The following SEC24B variants were observed in gnomAD, a reference collection of about 807,000 sequenced individuals.
SEC24B encodes the protein SEC24 homolog B, COPII component.
Under a neutral mutation model 142.8 loss-of-function variants are expected in SEC24B, and 45 were observed. The ratio of observed to expected loss-of-function variants is 0.32; its 90% CI spans 0.25 to 0.40. SEC24B has a LOEUF of 0.40. Among genes scored for constraint, SEC24B ranks in the 10% least tolerant of loss-of-function variants. The pLI is 1.00. For synonymous variants in SEC24B, 574 were observed against 568.2 expected (o/e 1.01, Z -0.15); for missense variants, 1,409 against 1,526.8 (o/e 0.92, Z 1.29).
intron 1 of SEC24B, among the ~76,000 whole-genome samples, chr4:109,441,597 A>C (rs935243650): frequency 1.3e-5 from 2 of 151,934 alleles, no homozygotes; most frequent in Non-Finnish European, 2.9e-5. Flanking sequence ...ATGCCCAGCT[A>C]ATTTTTGTAT....
chr4:109,529,259 A>T (rs1420715194), intron 18 of SEC24B, among the ~76,000 whole-genome samples: 1 of 152,126 alleles, frequency 6.6e-6, no homozygotes. Context: ...CTTAATTTTA[A>T]CTTTTGTTTT....
At chr4:109,523,599 A>C (rs112722497) in intron 14 of SEC24B, among the ~76,000 whole-genome samples, 1 of 152,228 alleles carries the variant, frequency 6.6e-6, no homozygotes, top group South Asian at 2.1e-4. Flanking sequence ...ATGAACAAAA[A>C]TATTCATTTT....
chr4:109,500,992 A>G lies in SEC24B; in HGVS notation c.1489-5336A>G, dbSNP rs529651371. ...TATTTTTATAGGTTTGATAAAGCCT[A>G]AATGTGTGTGTTTATAAAGCCTACA... On this transcript the variant is annotated intron_variant, in intron 6 of 23. Coordinates refer to ENST00000265175, the MANE Select transcript of SEC24B (RefSeq NM_006323.5). Among the ~76,000 whole-genome samples the G allele has an allele frequency of 4.6e-5, 7 of 152,240 alleles. No individual in the cohort carries two copies. In the South Asian group the frequency reaches 1.5e-3, roughly 32 times the overall value.
At position 109,525,446 on chromosome 4, in the gene SEC24B, A is replaced by G. The variant is rs1440745801; in HGVS notation, c.2733A>G (p.Lys911=). Residue 911 remains lysine (K), a synonymous_variant, in exon 16 of 24, where the codon AAA becomes AAG. Coordinates refer to ENST00000265175, the MANE Select transcript of SEC24B (RefSeq NM_006323.5). ...CAGAAAAGTTACAAAAAGACCTAAAACGGTATCTCACAAGAAAAATTGGGT... is the reference window on the plus strand; with the variant it reads ...CAGAAAAGTTACAAAAAGACCTAAAGCGGTATCTCACAAGAAAAATTGGGT... ...SQAEKLQKDL[K]RYLTRKIGFE... 1 of 1,611,942 alleles carries G rather than the reference A, an allele frequency of 6.2e-7. No individual in the cohort carries two copies. The highest frequency in any genetic ancestry group is 1.7e-5 in the Admixed American group (1 of 59,826).
rs1723455894 is a variant in SEC24B, at chr4:109,520,263, A to G, written c.2127-103A>G. ...ATTTTTCTGTCCCCTGTAGAAAAGC[A>G]TATGTGTAATTATCCTTGGACTTAA... On this transcript the variant is annotated intron_variant, in intron 11 of 23. Coordinates refer to ENST00000265175, the MANE Select transcript of SEC24B (RefSeq NM_006323.5). The G allele has an allele frequency of 4.2e-6, 3 of 720,910 alleles. No individual in the cohort carries two copies. The Admixed American group carries it at 7.3e-5, about 18-fold the overall frequency. 44.7% of individuals were successfully genotyped at this position (720,910 alleles called of 1,614,324 possible).
intron 22 of SEC24B, among the ~76,000 whole-genome samples, chr4:109,534,153 C>G (rs981800601): frequency 3.3e-5 from 5 of 151,914 alleles, no homozygotes; most frequent in African/African-American, 1.2e-4. Flanking sequence ...AGTGGTCCTC[C>G]CACTTTAGCC....
chr4:109,526,420 A>G, intron 17 of SEC24B, 21 bp downstream of exon 17: 1 of 1,576,050 alleles, frequency 6.3e-7, no homozygotes, highest in Non-Finnish European at 8.7e-7. Context: ...CAGAAATGAA[A>G]TATAGTCTGC....
chr4:109,518,803 CTT>C (rs770507485), intron 11 of SEC24B, among the ~76,000 whole-genome samples: 6 of 117,864 alleles, frequency 5.1e-5, no homozygotes, highest in Non-Finnish European at 8.8e-5. Flanking sequence ...ATGTTTCTGT[CTT>C]TTTTTTTTTT....
At chr4:109,451,821 T>C (rs1730122543) in intron 1 of SEC24B, among the ~76,000 whole-genome samples, 1 of 152,224 alleles carries the variant, frequency 6.6e-6, no homozygotes, top group South Asian at 2.1e-4. Flanking sequence ...TATTTTTGTG[T>C]CTATCTGTAT....
chr4:109,539,238 A>G lies in SEC24B; in HGVS notation c.3693-323A>G, dbSNP rs551173671. Among the ~76,000 whole-genome samples the G allele has an allele frequency of 9.9e-5, 15 of 151,890 alleles. No homozygotes were observed. In the East Asian group the frequency reaches 2.7e-3, roughly 27 times the overall value. ...CGGCCTCTCAAAGTGCTGGGATTAC[A>G]GGCGTGAGCCACCACGCCCGGCCAA... On this transcript the variant is annotated intron_variant, in intron 23 of 23. Coordinates refer to ENST00000265175, the MANE Select transcript of SEC24B (RefSeq NM_006323.5).
chr4:109,524,428 A>T (rs1212272028), intron 14 of SEC24B, among the ~76,000 whole-genome samples: 4 of 152,186 alleles, frequency 2.6e-5, no homozygotes, highest in Non-Finnish European at 5.9e-5. Context: ...AAGTTATTTA[A>T]CAATATTTAA....
Position 109,506,457 on chromosome 4 carries a change from T to C in SEC24B, c.1618T>C (p.Trp540Arg), listed in dbSNP as rs750074284. ...ERNILPMTPV[W>R]APVPNLNADL... Reference sequence around the variant, plus strand: ...GAATATTTTACCTATGACTCCTGTTTGGGCTCCTGTACCTAACTTGAATGC... The same window carrying C: ...GAATATTTTACCTATGACTCCTGTTCGGGCTCCTGTACCTAACTTGAATGC... Residue 540 changes from tryptophan (W) to arginine (R), a missense_variant, in exon 7 of 24, where the codon TGG becomes CGG. By Grantham distance (101) the Trp-to-Arg change is moderately radical (BLOSUM62 -3). This residue lies in a region of SEC24B where 709 missense variants were observed against 673.5 expected (regional missense o/e 1.05). Coordinates refer to ENST00000265175, the MANE Select transcript of SEC24B (RefSeq NM_006323.5). 7.5e-6 allele frequency: 12 copies of C among 1,608,904 alleles called. No homozygotes were observed. In the Admixed American group the frequency reaches 1.2e-4, roughly 16 times the overall value.
chr4:109,529,880 C>T (rs201613271), intron 18 of SEC24B, among the ~76,000 whole-genome samples: 4 of 152,072 alleles, frequency 2.6e-5, no homozygotes, highest in African/African-American at 7.2e-5. Flanking sequence ...ACTACAGGCA[C>T]GTGCCACCAT....
chr4:109,532,105 T>C (rs528661951), intron 20 of SEC24B, among the ~76,000 whole-genome samples: 2 of 151,998 alleles, frequency 1.3e-5, no homozygotes, highest in Non-Finnish European at 2.9e-5. Flanking sequence ...GATCTGCCCA[T>C]CTCGGCTTCC....
At chr4:109,455,863 G>T (rs1053966775) in intron 1 of SEC24B, among the ~76,000 whole-genome samples, 2 of 151,714 alleles carry the variant, frequency 1.3e-5, no homozygotes, top group African/African-American at 4.8e-5. Flanking sequence ...TTTGTTTTTA[G>T]TAACTTTGTA....
intron 10 of SEC24B, among the ~76,000 whole-genome samples, 164 bp from the exon 11 acceptor site, chr4:109,516,364 A>G (rs1722902725): frequency 6.6e-6 from 1 of 152,242 alleles, no homozygotes; most frequent in African/African-American, 2.4e-5. Context: ...AAAAGAAAAA[A>G]AATTAAAAGC....
At chr4:109,437,098 A>G (rs1728477877) in intron 1 of SEC24B, among the ~76,000 whole-genome samples, 1 of 152,178 alleles carries the variant, frequency 6.6e-6, no homozygotes, top group African/African-American at 2.4e-5. Context: ...GTGGGGAGCC[A>G]TCTTGTGGGA....
intron 1 of SEC24B, among the ~76,000 whole-genome samples, chr4:109,447,186 T>A (rs953812005): frequency 2.2e-4 from 34 of 152,078 alleles, no homozygotes; most frequent in South Asian, 6.2e-4. Flanking sequence ...ATCTGAAGAT[T>A]GAGAGGTGAA....
intron 4 of SEC24B, among the ~76,000 whole-genome samples, chr4:109,482,979 T>TACACACACACACACACACAC (rs1554001099): frequency 1.9e-4 from 5 of 26,416 alleles, no homozygotes; most frequent in African/African-American, 5.9e-4. Context: ...TATATATATA[T>TACACACACACACACACACAC]ACACACACAC....
Sources: gnomAD v4.1 joint callset for allele counts (sites outside exome capture counted in the v4.1 genomes callset) on GRCh38, gnomAD v4.1.1 for gene constraint, gnomAD v4.1.1 regional missense constraint, MANE v1.5 for transcripts, NCBI Gene and HGNC (gene_info 2026-07-23, HGNC 2026-07-21) for gene names.